Variants in PTPRK observed in about 807,000 individuals in gnomAD.
PTPRK encodes the protein receptor-type tyrosine-protein phosphatase kappa.
In PTPRK, 75 loss-of-function variants were observed where a neutral mutation model predicts 178.0. The ratio of observed to expected loss-of-function variants is 0.42; its 90% CI spans 0.35 to 0.51. The LOEUF (loss-of-function observed/expected upper bound fraction) is 0.51. PTPRK is among the 20% of genes least tolerant of loss of function. The pLI is 0.02. For missense variants in PTPRK, 1,441 were observed against 1,797.8 expected (o/e 0.80, Z 3.59); for synonymous variants, 637 against 620.6 (o/e 1.03, Z -0.39).
intron 3 of PTPRK, among the ~76,000 whole-genome samples, chr6:128,309,459 G>A (rs962853979): frequency 5.3e-5 from 8 of 152,108 alleles, no homozygotes; most frequent in Non-Finnish European, 1.0e-4. Context: ...TTACAGACCA[G>A]ATGCAGGAGT....
intron 25 of PTPRK, among the ~76,000 whole-genome samples, chr6:127,978,198 C>T (rs1386364057): frequency 1.3e-5 from 2 of 152,168 alleles, no homozygotes; most frequent in Non-Finnish European, 1.5e-5. Flanking sequence ...TGAGTGTCTC[C>T]TAAGAAAGGC....
intron 1 of PTPRK, among the ~76,000 whole-genome samples, chr6:128,461,980 G>T (rs1849102983): frequency 6.6e-6 from 1 of 152,064 alleles, no homozygotes; most frequent in African/African-American, 2.4e-5. Context: ...AGTTTCAGAA[G>T]ATTTGTTGGT....
intron 2 of PTPRK, among the ~76,000 whole-genome samples, chr6:128,368,151 A>C (rs1239310610): frequency 6.6e-6 from 1 of 152,160 alleles, no homozygotes; most frequent in Non-Finnish European, 1.5e-5. Context: ...AAATATAGAC[A>C]TGAAAAGCAA....
chr6:128,054,461 AAATT>A (rs1469442892), intron 13 of PTPRK, among the ~76,000 whole-genome samples: 2 of 152,192 alleles, frequency 1.3e-5, no homozygotes, highest in Non-Finnish European at 2.9e-5. Context: ...TTAGTTCTGA[AAATT>A]AATAATTTTC....
At chr6:128,271,431 G>T (rs1819804072) in intron 3 of PTPRK, among the ~76,000 whole-genome samples, 1 of 152,100 alleles carries the variant, frequency 6.6e-6, no homozygotes, top group Non-Finnish European at 1.5e-5. Context: ...GAAAGCAGAT[G>T]ATTTTATTCA....
At chr6:128,386,809 T>C (rs920052996) in intron 2 of PTPRK, among the ~76,000 whole-genome samples, 1 of 152,248 alleles carries the variant, frequency 6.6e-6, no homozygotes, top group Non-Finnish European at 1.5e-5. Context: ...GGCTCATGCC[T>C]GTAATCCCAG....
intron 6 of PTPRK, among the ~76,000 whole-genome samples, chr6:128,193,326 TTAA>T (rs1804219401): frequency 7.1e-6 from 1 of 140,522 alleles, no homozygotes; most frequent in Non-Finnish European, 1.5e-5. Context: ...AATTCTAGCA[TTAA>T]TTTTTTTTGT....
chr6:128,085,152 T>A (rs941278914), intron 8 of PTPRK: 1 of 152,120 alleles, frequency 6.6e-6, no homozygotes, highest in African/African-American at 2.4e-5. Context: ...AAACCCACAA[T>A]AAACAGAAAA....
chr6:128,372,988 A>AT (rs199839167), intron 2 of PTPRK, among the ~76,000 whole-genome samples: 15 of 151,006 alleles, frequency 9.9e-5, no homozygotes, highest in African/African-American at 3.7e-4. Flanking sequence ...GAGGGAGGTA[A>AT]TTTTAAAAAA....
intron 4 of PTPRK, among the ~76,000 whole-genome samples, chr6:128,240,831 C>T (rs1814284637): frequency 6.6e-6 from 1 of 152,124 alleles, no homozygotes. Context: ...AGATTTATGA[C>T]TGACAAGTAT....
Position 127,976,655 on chromosome 6 carries a change from A to G in PTPRK, c.3969+2T>C. On this transcript the variant is annotated splice_donor_variant, in intron 27 of 29. Coordinates refer to ENST00000368226, the MANE Select transcript of PTPRK (RefSeq NM_002844.4). LOFTEE classifies it high-confidence loss of function. Reference sequence around the variant, plus strand: ...AGCTCAAAGGATCCGATAGTGACTTACTCTTGTTAGATTGCATATCCTAAA... The same window carrying G: ...AGCTCAAAGGATCCGATAGTGACTTGCTCTTGTTAGATTGCATATCCTAAA... 1.2e-6 allele frequency: 2 copies of G among 1,613,962 alleles called. No individual in the cohort carries two copies. Among genetic ancestry groups the G allele is most frequent in the Non-Finnish European group, 1.7e-6 (2 of 1,179,962 alleles).
At chr6:128,468,238 C>T (rs1002661985) in intron 1 of PTPRK, among the ~76,000 whole-genome samples, 1 of 152,128 alleles carries the variant, frequency 6.6e-6, no homozygotes, top group African/African-American at 2.4e-5. Flanking sequence ...CCAGTACAAA[C>T]GAATTTGGGG....
intron 11 of PTPRK, among the ~76,000 whole-genome samples, chr6:128,071,908 T>C (rs1782893253): frequency 6.6e-6 from 1 of 152,074 alleles, no homozygotes; most frequent in African/African-American, 2.4e-5. Context: ...TTTTCTTATT[T>C]ATCAATACAA....
chr6:128,225,515 T>G (rs1405678472), intron 5 of PTPRK, among the ~76,000 whole-genome samples: 1 of 152,098 alleles, frequency 6.6e-6, no homozygotes, highest in Non-Finnish European at 1.5e-5. Flanking sequence ...TTGTATGAAT[T>G]TTTTTCAGTC....
intron 2 of PTPRK, among the ~76,000 whole-genome samples, chr6:128,358,947 T>C (rs1834329688): frequency 6.6e-6 from 1 of 152,166 alleles, no homozygotes; most frequent in East Asian, 1.9e-4. Flanking sequence ...GGGAGAATGA[T>C]ATACATGGAG....
At chr6:128,372,218 T>C (rs373535701) in intron 2 of PTPRK, among the ~76,000 whole-genome samples, 2 of 152,192 alleles carry the variant, frequency 1.3e-5, no homozygotes, top group East Asian at 1.9e-4. Context: ...TTTTCAGAAA[T>C]AGGTCTGCTA....
At chr6:128,354,926 T>C (rs999105413) in intron 2 of PTPRK, among the ~76,000 whole-genome samples, 1 of 152,208 alleles carries the variant, frequency 6.6e-6, no homozygotes, top group African/African-American at 2.4e-5. Context: ...AGTAATTACA[T>C]GCAAATTATA....
Position 128,409,099 on chromosome 6 carries a change from C to T in PTPRK, c.101-11411G>A, listed in dbSNP as rs540014548. ...AAAAGTGTCCCTTCCTAGCCACGAA[C>T]TGTTTCAGCTAGCAATTTAGTGGAT... On this transcript the variant is annotated intron_variant, in intron 1 of 29. Transcript: ENST00000368226. Among the ~76,000 whole-genome samples, 4 of 152,306 alleles carry T rather than the reference C, an allele frequency of 2.6e-5. No individual in the cohort carries two copies. In the South Asian group the frequency reaches 6.2e-4, roughly 24 times the overall value.
intron 6 of PTPRK, among the ~76,000 whole-genome samples, chr6:128,198,470 T>C (rs1326879820): frequency 6.6e-6 from 1 of 151,890 alleles, no homozygotes; most frequent in Middle Eastern, 3.2e-3. Context: ...CATGGCCTGT[T>C]GTGGGGGTAG....
Sources: allele counts gnomAD v4.1 joint callset (sites outside exome capture counted in the v4.1 genomes callset), GRCh38; gene constraint gnomAD v4.1.1; transcripts MANE v1.5; gene names NCBI Gene and HGNC (gene_info 2026-07-23, HGNC 2026-07-21).